The following RASSF8 variants were observed in gnomAD, a reference collection of about 807,000 sequenced individuals.
RASSF8 encodes the protein Ras association domain family member 8, also known as ras association domain-containing protein 8.
A neutral mutation model predicts 48.5 loss-of-function variants in RASSF8; 22 were observed. The observed-to-expected ratio is 0.45, with a 90% CI of 0.32 to 0.65. The LOEUF is 0.65. Among genes scored for constraint, RASSF8 ranks in the 30% least tolerant of loss-of-function variants. The pLI, the probability that RASSF8 is intolerant of heterozygous loss-of-function variation, is 0.03. For missense variants in RASSF8, 418 were observed against 489.2 expected (o/e 0.85, Z 1.37); for synonymous variants, 127 against 171.5 (o/e 0.74, Z 2.03).
Position 26,072,041 on chromosome 12 carries a change from A to C in RASSF8, c.*3223A>C. 1 of 985,452 alleles carries C rather than the reference A, an allele frequency of 1.0e-6. No homozygotes were observed. The highest frequency in any genetic ancestry group is 1.2e-6 in the Non-Finnish European group (1 of 829,910). 61.0% of individuals were successfully genotyped at this position (985,452 alleles called of 1,614,324 possible). ...CTGTAATGGATTGAGGAAATAACAC[A>C]GAAAAGACAAAAACTTTTGATTTCA... On this transcript the variant is annotated 3_prime_UTR_variant, in exon 6 of 6. Transcript: ENST00000689635.
At position 26,065,386 on chromosome 12, in the gene RASSF8, A is replaced by G. The variant is rs1208822149; in HGVS notation, c.992A>G (p.Gln331Arg). The G allele has an allele frequency of 6.3e-7, 1 of 1,593,814 alleles. No homozygotes were observed. The highest frequency in any genetic ancestry group is 1.1e-5 in the South Asian group (1 of 88,044). Residue 331 changes from glutamine (Q) to arginine (R), a missense_variant and splice_region_variant, in exon 4 of 6, where the codon CAG (glutamine) becomes CGG (arginine). Physicochemically the swap from Gln to Arg is conservative, Grantham distance 43. Transcript: ENST00000689635. ...RSLGQATKRL[Q>R]DKEQELEQLT... ...CTTGGACAAGCCACCAAACGCTTAC[A>G]GGTAGGGACACTTTGATAAATAGAA...
chr12:26,024,655 A>G (rs1390310562), intron 2 of RASSF8, among the ~76,000 whole-genome samples: 2 of 152,202 alleles, frequency 1.3e-5, no homozygotes, highest in Non-Finnish European at 2.9e-5. Flanking sequence ...GGTTGGTTAG[A>G]CATATAAAAG....
chr12:26,069,814 AATTTGCTCTGCAT>A lies in RASSF8; in HGVS notation c.*1000_*1012del. 1.0e-6 allele frequency: 1 copy of A among 985,184 alleles called. No individual in the cohort carries two copies. Among genetic ancestry groups the A allele is most frequent in the Non-Finnish European group, 1.2e-6 (1 of 829,708 alleles). 61.0% of individuals were successfully genotyped at this position (985,184 alleles called of 1,614,324 possible). A position where few individuals can be genotyped will look rare whatever the true frequency, so the allele number is the denominator to read the frequency against. Reference sequence around the variant, plus strand: ...CATGGGTAAGGTATTGCTTGCACATAATTTGCTCTGCATATTATGGACCATTGTGGTTTCTTCC... The same window carrying A: ...CATGGGTAAGGTATTGCTTGCACATAATTATGGACCATTGTGGTTTCTTCC... On this transcript the variant is annotated 3_prime_UTR_variant, in exon 6 of 6. Coordinates refer to ENST00000689635, the MANE Select transcript of RASSF8 (RefSeq NM_001394098.1).
chr12:25,964,157 C>CAT (rs1478384419), intron 1 of RASSF8, among the ~76,000 whole-genome samples: 12 of 152,078 alleles, frequency 7.9e-5, no homozygotes, highest in African/African-American at 2.9e-4. Context: ...TTTTTTCCAC[C>CAT]ATGTATATAT....
chr12:25,958,716 A>ACTCCTACGCCCGCGCTC lies in RASSF8; in HGVS notation c.-617_-601dup, dbSNP rs1302743822. On this transcript the variant is annotated 5_prime_UTR_variant, in exon 1 of 6. Transcript: ENST00000689635. ...GGCCGCGGGAGCGAGCGGGTCGCCG[A>ACTCCTACGCCCGCGCTC]CTCCTACGCCCGCGCTCCTCCTACG... 31 of 143,656 alleles carry ACTCCTACGCCCGCGCTC rather than the reference A, an allele frequency of 2.2e-4. No homozygotes were observed. Among genetic ancestry groups the ACTCCTACGCCCGCGCTC allele is most frequent in the South Asian group, 4.1e-4 (2 of 4,862 alleles). 8.9% of individuals were successfully genotyped at this position (143,656 alleles called of 1,614,324 possible).
At chr12:26,059,217 G>A (rs1386192428) in intron 3 of RASSF8, among the ~76,000 whole-genome samples, 1 of 152,108 alleles carries the variant, frequency 6.6e-6, no homozygotes, top group East Asian at 1.9e-4. Flanking sequence ...AGAAATAAAA[G>A]TCCAGCTAAC....
chr12:25,995,917 T>A (rs752141022), intron 2 of RASSF8, among the ~76,000 whole-genome samples: 8 of 152,202 alleles, frequency 5.3e-5, no homozygotes, highest in Non-Finnish European at 1.0e-4. Context: ...TTGCAAAAGT[T>A]ATGTGTGTGC....
intron 2 of RASSF8, among the ~76,000 whole-genome samples, chr12:26,041,311 G>A (rs540058888): frequency 6.6e-6 from 1 of 152,244 alleles, no homozygotes; most frequent in South Asian, 2.1e-4. Flanking sequence ...AATATATACA[G>A]CTTTTAGAGA....
chr12:25,974,923 G>T (rs1941569975), intron 1 of RASSF8, among the ~76,000 whole-genome samples: 1 of 152,160 alleles, frequency 6.6e-6, no homozygotes, highest in Non-Finnish European at 1.5e-5. Context: ...TGGAGTGTTT[G>T]CAAGCTGGCT....
chr12:26,072,856 G>T lies in RASSF8; in HGVS notation c.*4038G>T, dbSNP rs1402098642. Reference sequence around the variant, plus strand: ...ATTCTCCCAAATAATAAATTTTCAGGATTCATTGGGGCATTACAGTTGTCA... The same window carrying T: ...ATTCTCCCAAATAATAAATTTTCAGTATTCATTGGGGCATTACAGTTGTCA... On this transcript the variant is annotated 3_prime_UTR_variant, in exon 6 of 6. Coordinates refer to ENST00000689635, the MANE Select transcript of RASSF8 (RefSeq NM_001394098.1). 2.2e-6 allele frequency: 2 copies of T among 900,828 alleles called. No homozygotes were observed. Among genetic ancestry groups the T allele is most frequent in the Non-Finnish European group, 2.7e-6 (2 of 753,304 alleles). The allele number at this position is 900,828 out of a possible 1,614,324, so 55.8% of individuals were successfully genotyped here. A position where few individuals can be genotyped will look rare whatever the true frequency, so the allele number is the denominator to read the frequency against.
intron 2 of RASSF8, among the ~76,000 whole-genome samples, chr12:25,999,862 T>C (rs1457835280): frequency 6.6e-6 from 1 of 152,176 alleles, no homozygotes; most frequent in Non-Finnish European, 1.5e-5. Context: ...ACAAAAAATA[T>C]GCCAGGGATT....
chr12:26,047,187 T>G (rs1943390401), intron 2 of RASSF8, among the ~76,000 whole-genome samples: 1 of 152,212 alleles, frequency 6.6e-6, no homozygotes, highest in Non-Finnish European at 1.5e-5. Flanking sequence ...TTCCTTTTTA[T>G]AATACTGCAG....
At chr12:25,979,997 A>T (rs1280806161) in intron 1 of RASSF8, among the ~76,000 whole-genome samples, 1 of 152,166 alleles carries the variant, frequency 6.6e-6, no homozygotes, top group East Asian at 1.9e-4. Flanking sequence ...GTGACTCTTA[A>T]ATAGAGGTTC....
chr12:26,041,890 T>A (rs1943273210), intron 2 of RASSF8, among the ~76,000 whole-genome samples: 2 of 152,154 alleles, frequency 1.3e-5, no homozygotes, highest in Admixed American at 1.3e-4. Context: ...AATTTCAAAT[T>A]TTGCTGGATA....
intron 1 of RASSF8, among the ~76,000 whole-genome samples, chr12:25,989,024 G>C (rs1317060385): frequency 6.6e-6 from 1 of 152,150 alleles, no homozygotes; most frequent in African/African-American, 2.4e-5. Context: ...CTGGAATTCT[G>C]CAAACTCACT....
Position 26,059,865 on chromosome 12 carries a change from G to A in RASSF8, c.103+4419G>A, listed in dbSNP as rs541624203. Reference sequence around the variant, plus strand: ...TTATTTTGGTTTATATTTTTTTAACGTAACCAGCACAATGCCCAGTAAATC... The same window carrying A: ...TTATTTTGGTTTATATTTTTTTAACATAACCAGCACAATGCCCAGTAAATC... On this transcript the variant is annotated intron_variant, in intron 3 of 5. Transcript: ENST00000689635. Among the ~76,000 whole-genome samples the A allele has an allele frequency of 2.3e-4, 35 of 152,140 alleles. No homozygotes were observed. The South Asian group carries it at 2.9e-3, about 13-fold the overall frequency.
intron 2 of RASSF8, among the ~76,000 whole-genome samples, chr12:26,042,837 CAT>C (rs1333003914): frequency 2.0e-5 from 3 of 152,080 alleles, no homozygotes; most frequent in Non-Finnish European, 2.9e-5. Flanking sequence ...AGTGTGATAT[CAT>C]ATTCACAGTA....
intron 1 of RASSF8, among the ~76,000 whole-genome samples, chr12:25,972,327 T>C (rs748334012): frequency 2.0e-5 from 3 of 151,998 alleles, no homozygotes; most frequent in Non-Finnish European, 4.4e-5. Context: ...TTATCAACCA[T>C]TGAGGATACA....
chr12:26,064,339 G>C (rs75845123), intron 3 of RASSF8, among the ~76,000 whole-genome samples, 159 bp from the exon 4 acceptor site: 12 of 152,084 alleles, frequency 7.9e-5, no homozygotes, highest in Non-Finnish European at 1.8e-4. Context: ...TGAGGGGTTT[G>C]GTATCTTCAA....
Sources: gnomAD v4.1 joint callset for allele counts (sites outside exome capture counted in the v4.1 genomes callset) on GRCh38, gnomAD v4.1.1 for gene constraint, MANE v1.5 for transcripts, NCBI Gene and HGNC (gene_info 2026-07-23, HGNC 2026-07-21) for gene names.